Variants in NEURL1B observed in about 807,000 individuals in gnomAD.
The protein encoded by NEURL1B is E3 ubiquitin-protein ligase NEURL1B.
A neutral mutation model predicts 37.4 loss-of-function variants in NEURL1B; 13 were observed. The observed-to-expected ratio is 0.35, with a 90% CI of 0.23 to 0.55. NEURL1B has a LOEUF of 0.55. NEURL1B is among the 20% of genes least tolerant of loss of function. The pLI is 0.89. For synonymous variants in NEURL1B, 432 were observed against 426.6 expected (o/e 1.01, Z -0.16); for missense variants, 790 against 879.2 (o/e 0.90, Z 1.28).
intron 1 of NEURL1B, chr5:172,656,751 A>T: frequency 2.4e-6 from 2 of 828,126 alleles, no homozygotes; most frequent in Admixed American, 4.1e-5. Context: ...TAAGTTTAAA[A>T]GTAGAAGGCA....
chr5:172,685,026 C>T (rs1758464697), intron 3 of NEURL1B, among the ~76,000 whole-genome samples: 3 of 152,346 alleles, frequency 2.0e-5, no homozygotes, highest in South Asian at 2.1e-4. Flanking sequence ...TCCCCACCTA[C>T]AGATAAGATA....
chr5:172,662,615 G>A (rs1581427343), intron 1 of NEURL1B, among the ~76,000 whole-genome samples: 3 of 152,296 alleles, frequency 2.0e-5, no homozygotes, highest in Admixed American at 2.0e-4. Flanking sequence ...GCAGTTCTGG[G>A]AGGTACAGTG....
intron 2 of NEURL1B, 41 bp downstream of exon 2, chr5:172,670,371 G>T: frequency 1.5e-6 from 2 of 1,326,676 alleles, no homozygotes; most frequent in African/African-American, 1.5e-5. Context: ...CCTGGCAGCG[G>T]TGCCTTTGCG....
rs1758400429 is a variant in NEURL1B at position 172,683,333 on chromosome 5, T to G, written c.578-86T>G. On this transcript the variant is annotated intron_variant, in intron 2 of 4. Coordinates refer to ENST00000369800, the MANE Select transcript of NEURL1B (RefSeq NM_001142651.3). The surrounding 1 kb of genome is among the most constrained non-coding windows in gnomAD (Gnocchi z 5.6). ...GAGGCCCGGGTCGGTCGTGGAGGCC[T>G]GCAGGAGGCAGCGGGCGAGGAGGGG... The G allele has an allele frequency of 1.6e-6, 2 of 1,248,686 alleles. No individual in the cohort carries two copies. The highest frequency in any genetic ancestry group is 2.0e-6 in the Non-Finnish European group (2 of 991,730). The allele number at this position is 1,248,686 out of a possible 1,614,324, so 77.4% of individuals were successfully genotyped here.
Position 172,647,005 on chromosome 5 carries a change from G to T in NEURL1B, c.31+5568G>T, listed in dbSNP as rs1757573436. On this transcript the variant is annotated intron_variant, in intron 1 of 4. Transcript: ENST00000369800. This position sits in a 1 kb window ranked among gnomAD's most constrained non-coding sequence, Gnocchi z 4.2. ...GGCCAGGCTGCAGTCAGGAGGCTTGGATTTCTCAGCTGCCACACTCCCAAC... is the reference window on the plus strand; with the variant it reads ...GGCCAGGCTGCAGTCAGGAGGCTTGTATTTCTCAGCTGCCACACTCCCAAC... 6.6e-6 allele frequency among the ~76,000 whole-genome samples: 1 copy of T among 152,150 alleles called. No individual in the cohort carries two copies. The highest frequency in any genetic ancestry group is 6.5e-5 in the Admixed American group (1 of 15,282).
intron 2 of NEURL1B, among the ~76,000 whole-genome samples, chr5:172,682,533 G>A (rs1420392877): frequency 6.6e-6 from 1 of 152,112 alleles, no homozygotes. Context: ...CCGAGATCGC[G>A]CCATTGCACT....
intron 1 of NEURL1B, among the ~76,000 whole-genome samples, chr5:172,663,064 A>G (rs1757933656): frequency 6.6e-6 from 1 of 151,652 alleles, no homozygotes; most frequent in Non-Finnish European, 1.5e-5. Context: ...AAATAATAAT[A>G]ATAGCCGGGT....
chr5:172,681,803 A>G (rs997504347), intron 2 of NEURL1B, among the ~76,000 whole-genome samples: 10 of 152,266 alleles, frequency 6.6e-5, no homozygotes, highest in African/African-American at 2.4e-4. Flanking sequence ...TAAAGAGGAA[A>G]TATTTTTCAA....
intron 1 of NEURL1B, among the ~76,000 whole-genome samples, chr5:172,667,435 G>T (rs888469953): frequency 2.1e-5 from 3 of 140,242 alleles, no homozygotes; most frequent in African/African-American, 8.8e-5. Flanking sequence ...AACAGAGAAA[G>T]ACTCCATTTC....
rs58261349 is a variant in NEURL1B, at chr5:172,675,617, G to GCTCCCTTCCCTCCCTTCC, written c.577+5304_577+5305insCCTCCCTTCCCTCCCTTC. On this transcript the variant is annotated intron_variant, in intron 2 of 4. Coordinates refer to ENST00000369800, the MANE Select transcript of NEURL1B (RefSeq NM_001142651.3). This position sits in a 1 kb window ranked among gnomAD's most constrained non-coding sequence, Gnocchi z 4.7. ...AGAGGAAGCTTCTGCCAGGCCATGC[G>GCTCCCTTCCCTCCCTTCC]CTCCCTTCCCTCCCTTCTCCCTGTG... Among the ~76,000 whole-genome samples the GCTCCCTTCCCTCCCTTCC allele has an allele frequency of 2.6e-5, 4 of 151,332 alleles. No homozygotes were observed. The highest frequency in any genetic ancestry group is 1.3e-4 in the Admixed American group (2 of 15,218).
intron 2 of NEURL1B, among the ~76,000 whole-genome samples, chr5:172,674,400 C>G (rs563727178): frequency 1.2e-4 from 19 of 152,178 alleles, no homozygotes; most frequent in African/African-American, 4.3e-4. Flanking sequence ...GGGGCCAGAC[C>G]GTGGGGTGCC....
chr5:172,669,108 T>G (rs1328319556), intron 1 of NEURL1B, among the ~76,000 whole-genome samples: 2 of 152,194 alleles, frequency 1.3e-5, no homozygotes, highest in African/African-American at 4.8e-5. Flanking sequence ...ACACACGCTG[T>G]GCCAGGTAGT....
intron 1 of NEURL1B, among the ~76,000 whole-genome samples, chr5:172,655,971 G>A (rs1467809019): frequency 6.6e-6 from 1 of 152,184 alleles, no homozygotes; most frequent in Non-Finnish European, 1.5e-5. Context: ...TCTCAGCAAG[G>A]CAAGTTACTT....
intron 1 of NEURL1B, among the ~76,000 whole-genome samples, chr5:172,649,472 C>A (rs928678779): frequency 1.6e-4 from 24 of 150,234 alleles, no homozygotes; most frequent in African/African-American, 5.9e-4. Context: ...AGCAACTCTC[C>A]TGCCTCAGCC....
intron 1 of NEURL1B, among the ~76,000 whole-genome samples, chr5:172,645,157 T>C (rs1207800997): frequency 1.3e-5 from 2 of 152,208 alleles, no homozygotes; most frequent in Admixed American, 1.3e-4. Flanking sequence ...CAGTATCTAT[T>C]TGAAATCCTC....
Position 172,684,086 on chromosome 5 carries a change from C to G in NEURL1B, c.1245C>G (p.Leu415=), listed in dbSNP as rs1025438100. 3.9e-6 allele frequency: 5 copies of G among 1,292,554 alleles called. No homozygotes were observed. In the East Asian group the frequency reaches 1.6e-4, roughly 43 times the overall value. The allele number at this position is 1,292,554 out of a possible 1,614,324, so 80.1% of individuals were successfully genotyped here. ...RLLCVDTTQA[L]WAFFAVRGGV... is the part of the protein sequence containing the mutation. ...TGTGCGTCGACACCACGCAGGCGCT[C>G]TGGGCCTTCTTCGCCGTGCGCGGCG... Residue 415 remains leucine (L), a synonymous_variant, in exon 3 of 5, where the codon CTC becomes CTG. Transcript: ENST00000369800.
intron 1 of NEURL1B, among the ~76,000 whole-genome samples, chr5:172,659,076 G>T (rs963613539): frequency 1.5e-5 from 2 of 134,474 alleles, no homozygotes; most frequent in Non-Finnish European, 3.1e-5. Context: ...CCAAGCCAGG[G>T]TATTGCTCAC....
At position 172,665,452 on chromosome 5, in the gene NEURL1B, G is replaced by A. The variant is rs1256065461; in HGVS notation, c.32-4333G>A. On this transcript the variant is annotated intron_variant, in intron 1 of 4. Transcript: ENST00000369800. This position sits in a 1 kb window ranked among gnomAD's most constrained non-coding sequence, Gnocchi z 4.1. Reference sequence around the variant, plus strand: ...GCCTGACTCTGCGTCCACCCTCCTTGCTGCCCTGGAGGCCCCTCCCTGACA... The same window carrying A: ...GCCTGACTCTGCGTCCACCCTCCTTACTGCCCTGGAGGCCCCTCCCTGACA... Among the ~76,000 whole-genome samples the A allele has an allele frequency of 6.6e-6, 1 of 152,200 alleles. No homozygotes were observed. Among genetic ancestry groups the A allele is most frequent in the African/African-American group, 2.4e-5 (1 of 41,436 alleles).
intron 1 of NEURL1B, 48 bp from the exon 2 acceptor site, chr5:172,669,737 G>T: frequency 2.5e-6 from 3 of 1,204,984 alleles, no homozygotes; most frequent in East Asian, 3.6e-5. Context: ...ATCGGGGCCC[G>T]CAGGAGTTCG....
Sources: gnomAD v4.1 joint callset for allele counts (sites outside exome capture counted in the v4.1 genomes callset) on GRCh38, gnomAD v4.1.1 for gene constraint, Gnocchi (gnomAD v3.1) non-coding constraint, MANE v1.5 for transcripts, NCBI Gene and HGNC (gene_info 2026-07-23, HGNC 2026-07-21) for gene names.